The following KIAA0930 variants were observed in gnomAD, a reference collection of about 807,000 sequenced individuals.
KIAA0930 encodes the protein KIAA0930.
KIAA0930 carries 24 observed loss-of-function variants against 43.9 expected under a neutral mutation model. The ratio of observed to expected loss-of-function variants is 0.55; its 90% CI spans 0.40 to 0.77. The LOEUF is 0.77. Ranked by LOEUF, KIAA0930 falls within the 30% of genes least tolerant of loss-of-function variation. The probability of loss-of-function intolerance (pLI) is 0.00; values close to 1 mark genes in which losing one functional copy is unlikely to be tolerated. For synonymous variants in KIAA0930, 259 were observed against 216.4 expected, an observed-to-expected ratio of 1.20 and a Z score of -1.73; for missense variants, 461 against 574.2, an observed-to-expected ratio of 0.80 and a Z score of 2.02.
chr22:45,230,471 C>A (rs192088443), intron 1 of KIAA0930, among the ~76,000 whole-genome samples: 1 of 152,036 alleles, frequency 6.6e-6, no homozygotes, highest in Admixed American at 6.6e-5. Context: ...TCTCTATGTC[C>A]GGAGGAAAAG....
At position 45,199,784 on chromosome 22, in the gene KIAA0930, GAATGAATGAATA is replaced by G; in HGVS notation, c.1015+77_1015+88del. 2.4e-6 allele frequency: 3 copies of G among 1,251,126 alleles called. No homozygotes were observed. In the South Asian group the frequency reaches 5.2e-5, roughly 21 times the overall value. 77.5% of individuals were successfully genotyped at this position (1,251,126 alleles called of 1,614,324 possible). A position where few individuals can be genotyped will look rare whatever the true frequency, so the allele number is the denominator to read the frequency against. ...TCTAAGTGCTGCTGAATGAACAAAT[GAATGAATGAATA>G]AATGAATGAATGACTGGTCTGGATC... On this transcript the variant is annotated intron_variant, in intron 8 of 9. Coordinates refer to ENST00000336156, the MANE Select transcript of KIAA0930 (RefSeq NM_001009880.2).
chr22:45,227,760 C>A (rs925286050), intron 1 of KIAA0930, among the ~76,000 whole-genome samples: 1 of 152,208 alleles, frequency 6.6e-6, no homozygotes, highest in Non-Finnish European at 1.5e-5. Flanking sequence ...GGATCCTGGA[C>A]GCAGAGCCTT....
At chr22:45,208,595 A>AG (rs1192326170) in intron 2 of KIAA0930, among the ~76,000 whole-genome samples, 1 of 151,634 alleles carries the variant, frequency 6.6e-6, no homozygotes, top group Non-Finnish European at 1.5e-5. Flanking sequence ...GCAGCTGCCC[A>AG]GGGGGAGGTT....
chr22:45,230,039 T>G (rs1180971817), intron 1 of KIAA0930, among the ~76,000 whole-genome samples: 1 of 152,128 alleles, frequency 6.6e-6, no homozygotes, highest in Non-Finnish European at 1.5e-5. Flanking sequence ...GAGGGCGCAG[T>G]GAGCCGAGAT....
rs536748528 is a variant in KIAA0930, at chr22:45,230,472, G to A, written c.64+10168C>T. 3.8e-4 allele frequency among the ~76,000 whole-genome samples: 58 copies of A among 152,198 alleles called. 1 individual carries two copies. Among genetic ancestry groups the A allele is most frequent in the African/African-American group, 1.3e-3 (54 of 41,514 alleles). ...TGTGAAAGGCACCCTCTCTATGTCC[G>A]GAGGAAAAGAGCATCCTCATCTCTG... On this transcript the variant is annotated intron_variant, in intron 1 of 9. Transcript: ENST00000336156.
intron 1 of KIAA0930, among the ~76,000 whole-genome samples, chr22:45,227,348 C>G (rs2083808478): frequency 6.6e-6 from 1 of 152,192 alleles, no homozygotes; most frequent in African/African-American, 2.4e-5. Flanking sequence ...CTCCTCTACT[C>G]TGACTTCTGA....
intron 1 of KIAA0930, among the ~76,000 whole-genome samples, chr22:45,235,037 T>C (rs2083878636): frequency 6.6e-6 from 1 of 152,096 alleles, no homozygotes; most frequent in Non-Finnish European, 1.5e-5. Context: ...TTGGGAAATC[T>C]GAGGATGTTA....
intron 1 of KIAA0930, among the ~76,000 whole-genome samples, chr22:45,218,525 G>C (rs1410540804): frequency 6.6e-6 from 1 of 151,598 alleles, no homozygotes; most frequent in Non-Finnish European, 1.5e-5. Context: ...TGTCTTTTCA[G>C]ATCCTCATGG....
chr22:45,216,859 C>A (rs1412330661), intron 1 of KIAA0930, among the ~76,000 whole-genome samples: 2 of 152,110 alleles, frequency 1.3e-5, no homozygotes, highest in Admixed American at 1.3e-4. Context: ...GCTCTGTGCT[C>A]ACGGCCCTGC....
intron 1 of KIAA0930, among the ~76,000 whole-genome samples, chr22:45,214,701 G>T (rs573394534): frequency 6.6e-6 from 1 of 151,996 alleles, no homozygotes; most frequent in Non-Finnish European, 1.5e-5. Context: ...TTTAGGCCAG[G>T]AGTTCAAGGT....
chr22:45,224,751 ACG>A (rs2083788323), intron 1 of KIAA0930, among the ~76,000 whole-genome samples: 1 of 152,148 alleles, frequency 6.6e-6, no homozygotes, highest in South Asian at 2.1e-4. Flanking sequence ...GCAAAGGTGG[ACG>A]GCATTCAACG....
chr22:45,225,657 C>T (rs2083794628), intron 1 of KIAA0930, among the ~76,000 whole-genome samples: 2 of 152,132 alleles, frequency 1.3e-5, no homozygotes, highest in South Asian at 4.1e-4. Flanking sequence ...TTGGCCTGTG[C>T]AGGTCAGCTC....
At chr22:45,203,613 G>A (rs1011692746) in intron 6 of KIAA0930, among the ~76,000 whole-genome samples, 12 of 152,158 alleles carry the variant, frequency 7.9e-5, no homozygotes, top group African/African-American at 2.4e-4. Flanking sequence ...GGAAGTTCCC[G>A]CTCACATTTC....
At chr22:45,206,103 CCTCCTGGG>C (rs1439936338) in intron 2 of KIAA0930, among the ~76,000 whole-genome samples, 191 bp from the exon 3 acceptor site, 16 of 152,226 alleles carry the variant, frequency 1.1e-4, no homozygotes, top group African/African-American at 3.9e-4. Context: ...GTAGCCTCAA[CCTCCTGGG>C]CTCAAATGAT....
intron 1 of KIAA0930, among the ~76,000 whole-genome samples, chr22:45,219,579 A>AGTGTTTT: frequency 9.3e-6 from 1 of 107,506 alleles, no homozygotes; most frequent in South Asian, 3.5e-4. Context: ...CCAAGAGGTG[A>AGTGTTTT]TTGTTTTTTT....
chr22:45,231,532 C>G (rs1021958479), intron 1 of KIAA0930, among the ~76,000 whole-genome samples: 1 of 152,052 alleles, frequency 6.6e-6, no homozygotes, highest in East Asian at 1.9e-4. Flanking sequence ...TACCTGCCTG[C>G]CACCACCCCC....
At chr22:45,204,083 C>A in intron 5 of KIAA0930, 98 bp from the exon 6 acceptor site, 1 of 1,530,776 alleles carries the variant, frequency 6.5e-7, no homozygotes, top group Non-Finnish European at 8.9e-7. Flanking sequence ...TCAGAAAACC[C>A]CATTTTGCAG....
intron 1 of KIAA0930, among the ~76,000 whole-genome samples, chr22:45,238,401 G>A (rs1011553566): frequency 5.9e-5 from 9 of 152,200 alleles, no homozygotes; most frequent in Non-Finnish European, 4.4e-5. Context: ...TGCCTTTGAA[G>A]GCCTCACCTG....
chr22:45,203,834 C>T lies in KIAA0930; in HGVS notation c.657+11G>A. 6.2e-7 allele frequency: 1 copy of T among 1,613,428 alleles called. No homozygotes were observed. Among genetic ancestry groups the T allele is most frequent in the Non-Finnish European group, 8.5e-7 (1 of 1,179,678 alleles). On this transcript the variant is annotated intron_variant, in intron 6 of 9. Transcript: ENST00000336156. ...CCCAGAAGAACACCCGTGAGGCCGC[C>T]CCGCACTCACCCGGTTGTCATACAC...
Sources: gnomAD v4.1 joint callset for allele counts (sites outside exome capture counted in the v4.1 genomes callset) on GRCh38, gnomAD v4.1.1 for gene constraint, MANE v1.5 for transcripts, NCBI Gene and HGNC (gene_info 2026-07-23, HGNC 2026-07-21) for gene names.